Variants in CACNB2 observed in about 807,000 individuals in gnomAD.
The protein encoded by CACNB2 is calcium voltage-gated channel auxiliary subunit beta 2.
CACNB2 carries 42 observed loss-of-function variants against 73.3 expected under a neutral mutation model. The ratio of observed to expected loss-of-function variants is 0.57; its 90% confidence interval spans 0.45 to 0.74. The LOEUF (loss-of-function observed/expected upper bound fraction) is 0.74. Among genes scored for constraint, CACNB2 ranks in the 30% least tolerant of loss-of-function variants. The pLI is 0.00. For missense variants in CACNB2, 940 were observed against 853.0 expected (o/e 1.10, Z -1.27); for synonymous variants, 348 against 310.3 (o/e 1.12, Z -1.28).
chr10:18,437,823 G>A (rs1486804898), intron 3 of CACNB2, among the ~76,000 whole-genome samples: 2 of 151,922 alleles, frequency 1.3e-5, no homozygotes, highest in East Asian at 1.9e-4. Context: ...TCAAAACTTC[G>A]AAGTCATAGA....
At chr10:18,168,612 C>T (rs2033030532) in intron 2 of CACNB2, among the ~76,000 whole-genome samples, 1 of 152,058 alleles carries the variant, frequency 6.6e-6, no homozygotes, top group African/African-American at 2.4e-5. Context: ...TTTTTGTTCT[C>T]TGCTCTCAGG....
Position 18,411,301 on chromosome 10 carries a change from G to T in CACNB2, c.333+9258G>T, listed in dbSNP as rs115364745. On this transcript the variant is annotated intron_variant, in intron 3 of 13. Transcript: ENST00000324631. ...GCAGAAGCCCGCTGGACCTCTGTTA[G>T]GCTTCTCTTCCCTGTTGACATATAC... is the stretch of plus-strand genomic sequence containing the variant. Among the ~76,000 whole-genome samples the T allele has an allele frequency of 8.1e-3, 1,233 of 152,172 alleles. 26 individuals carry two copies. The highest frequency in any genetic ancestry group is 0.029 in the African/African-American group (1,189 of 41,520).
chr10:18,494,590 C>T (rs1193727887), intron 3 of CACNB2, among the ~76,000 whole-genome samples: 5 of 149,634 alleles, frequency 3.3e-5, no homozygotes, highest in Admixed American at 2.0e-4. Context: ...CGAGATCGTG[C>T]CATTGCACTC....
At chr10:18,498,138 C>T (rs980737500) in intron 3 of CACNB2, among the ~76,000 whole-genome samples, 1 of 152,172 alleles carries the variant, frequency 6.6e-6, no homozygotes, top group Non-Finnish European at 1.5e-5. Context: ...AGAACAATGG[C>T]CTTTTTCTAG....
rs868507736 is a variant in CACNB2 at position 18,420,334 on chromosome 10, G to C, written c.333+18291G>C. ...ACACATACACACACACACACACAGA[G>C]AGAGAGAGAGAGAGAGAAGTATATG... On this transcript the variant is annotated intron_variant, in intron 3 of 13. Transcript: ENST00000324631. 8.4e-4 allele frequency among the ~76,000 whole-genome samples: 126 copies of C among 150,088 alleles called. 2 individuals carry two copies. The highest frequency in any genetic ancestry group is 3.1e-3 in the South Asian group (15 of 4,762).
chr10:18,511,175 T>A (rs1350386157), intron 6 of CACNB2, among the ~76,000 whole-genome samples: 1 of 152,212 alleles, frequency 6.6e-6, no homozygotes. Context: ...GAGGAAGACA[T>A]ACTTACTATA....
chr10:18,350,513 G>A (rs1350028709), intron 2 of CACNB2, among the ~76,000 whole-genome samples: 1 of 152,112 alleles, frequency 6.6e-6, no homozygotes, highest in Non-Finnish European at 1.5e-5. Context: ...ACTTTCTAAT[G>A]GCCCCAGCTG....
At chr10:18,369,155 A>G (rs912760253) in intron 2 of CACNB2, among the ~76,000 whole-genome samples, 14 of 152,212 alleles carry the variant, frequency 9.2e-5, no homozygotes, top group African/African-American at 3.1e-4. Context: ...TGTTTTAAAA[A>G]TTGCCTCTGG....
chr10:18,411,601 T>A (rs1460499521), intron 3 of CACNB2, among the ~76,000 whole-genome samples: 2 of 149,546 alleles, frequency 1.3e-5, no homozygotes, highest in African/African-American at 4.9e-5. Context: ...CTCTGCCTCC[T>A]GGGTTCAAGC....
chr10:18,220,203 A>G (rs4481925), intron 2 of CACNB2, among the ~76,000 whole-genome samples: 6,427 of 18,728 alleles, frequency 0.34, 664 homozygotes, highest in Middle Eastern at 0.56. Flanking sequence ...ATGTGTGTGT[A>G]TATATATATA....
Position 18,376,212 on chromosome 10 carries a change from C to T in CACNB2, c.214-25712C>T, listed in dbSNP as rs187797746. On this transcript the variant is annotated intron_variant, in intron 2 of 13. Transcript: ENST00000324631. ...CAGCAATATGGATGAAACTTGAGGT[C>T]GTTATGTTAAATGAAATAAACTAGG... is the stretch of plus-strand genomic sequence containing the variant. Among the ~76,000 whole-genome samples the T allele has an allele frequency of 2.1e-3, 325 of 152,216 alleles. 1 individual carries two copies. The highest frequency in any genetic ancestry group is 7.5e-3 in the African/African-American group (313 of 41,520).
intron 3 of CACNB2, among the ~76,000 whole-genome samples, chr10:18,414,939 T>C (rs965431340): frequency 6.6e-6 from 1 of 152,202 alleles, no homozygotes; most frequent in Non-Finnish European, 1.5e-5. Flanking sequence ...TCTCTGTTCT[T>C]ACAAGTTTTT....
At chr10:18,161,307 C>T (rs1479259389) in intron 2 of CACNB2, among the ~76,000 whole-genome samples, 1 of 152,098 alleles carries the variant, frequency 6.6e-6, no homozygotes, top group Non-Finnish European at 1.5e-5. Context: ...TTCTTATATC[C>T]TTAGTATCTG....
intron 3 of CACNB2, among the ~76,000 whole-genome samples, chr10:18,464,042 G>T (rs114367945): frequency 6.6e-6 from 1 of 151,970 alleles, no homozygotes; most frequent in African/African-American, 2.4e-5. Flanking sequence ...CATAAACATC[G>T]TCTTATCTTA....
At chr10:18,359,816 C>T (rs1449881633) in intron 2 of CACNB2, among the ~76,000 whole-genome samples, 2 of 151,896 alleles carry the variant, frequency 1.3e-5, no homozygotes, top group Admixed American at 1.3e-4. Context: ...TTCTTGGCCA[C>T]ATCTCTTGAA....
At chr10:18,498,298 A>G in intron 3 of CACNB2, 57 bp from the exon 4 acceptor site, 1 of 1,604,160 alleles carries the variant, frequency 6.2e-7, no homozygotes, top group East Asian at 2.2e-5. Flanking sequence ...TGAGGGAAAA[A>G]GGAGGGACAG....
At chr10:18,165,692 ATAC>A (rs2131118668) in intron 2 of CACNB2, among the ~76,000 whole-genome samples, 1 of 152,348 alleles carries the variant, frequency 6.6e-6, no homozygotes, top group Admixed American at 6.5e-5. Flanking sequence ...GAAGTTGTTT[ATAC>A]ATCTTTTGAA....
At chr10:18,474,391 G>A (rs1001326415) in intron 3 of CACNB2, among the ~76,000 whole-genome samples, 3 of 152,130 alleles carry the variant, frequency 2.0e-5, no homozygotes, top group African/African-American at 2.4e-5. Context: ...TTTTGCCGAC[G>A]TTAAGGACAT....
At chr10:18,530,257 G>C (rs2052865360) in intron 10 of CACNB2, among the ~76,000 whole-genome samples, 1 of 152,120 alleles carries the variant, frequency 6.6e-6, no homozygotes. Flanking sequence ...CATTCATTTA[G>C]CAAATACTTG....
Sources: gnomAD v4.1 joint callset for allele counts (sites outside exome capture counted in the v4.1 genomes callset) on GRCh38, gnomAD v4.1.1 for gene constraint, MANE v1.5 for transcripts, NCBI Gene and HGNC (gene_info 2026-07-23, HGNC 2026-07-21) for gene names.